ALDH1A1: variants seen among roughly 807,000 people sequenced by gnomAD.
ALDH1A1 encodes the protein aldehyde dehydrogenase 1 family member A1.
Under a neutral mutation model 62.1 loss-of-function variants are expected in ALDH1A1, and 19 were observed. The observed-to-expected ratio is 0.31, with a 90% CI of 0.21 to 0.45. ALDH1A1 has a LOEUF of 0.45. Ranked by LOEUF, ALDH1A1 falls within the 20% of genes least tolerant of loss-of-function variation. The probability of loss-of-function intolerance (pLI) is 1.00; values close to 1 mark genes in which losing one functional copy is unlikely to be tolerated. For synonymous variants in ALDH1A1, 231 were observed against 215.9 expected, an observed-to-expected ratio of 1.07 and a Z score of -0.61; for missense variants, 521 against 607.1, an observed-to-expected ratio of 0.86 and a Z score of 1.49.
At chr9:72,915,486 A>G (rs992983246) in intron 9 of ALDH1A1, among the ~76,000 whole-genome samples, 2 of 152,148 alleles carry the variant, frequency 1.3e-5, no homozygotes, top group Admixed American at 1.3e-4. Context: ...TTCTTTTTTG[A>G]AATGGGAGAC....
At chr9:72,906,120 C>A (rs1829875626) in intron 11 of ALDH1A1, 88 bp from the exon 12 acceptor site, 3 of 880,594 alleles carry the variant, frequency 3.4e-6, no homozygotes, top group Non-Finnish European at 3.5e-6. Flanking sequence ...TGGAAAGCTC[C>A]TTACAAACTC....
intron 2 of ALDH1A1, among the ~76,000 whole-genome samples, chr9:72,932,156 A>G (rs751135553): frequency 6.6e-6 from 1 of 152,196 alleles, no homozygotes. Context: ...TGGCCACTAC[A>G]TGGAATTGTA....
chr9:72,925,348 C>T, intron 6 of ALDH1A1, 136 bp downstream of exon 6: 5 of 995,970 alleles, frequency 5.0e-6, no homozygotes, highest in Non-Finnish European at 7.0e-6. Context: ...AGCCAGCCGT[C>T]ATGCTAAATG....
intron 9 of ALDH1A1, 51 bp from the exon 10 acceptor site, chr9:72,912,173 T>C: frequency 6.6e-7 from 1 of 1,517,618 alleles, no homozygotes; most frequent in Non-Finnish European, 9.0e-7. Flanking sequence ...CTTGTAAAGA[T>C]AACACATTGC....
intron 1 of ALDH1A1, among the ~76,000 whole-genome samples, chr9:72,944,197 T>C (rs1284447154): frequency 6.6e-6 from 1 of 152,072 alleles, no homozygotes; most frequent in African/African-American, 2.4e-5. Context: ...GTATCCCAAG[T>C]AGATTTGAAG....
Position 72,927,924 on chromosome 9 carries a change from T to C in ALDH1A1, c.443-747A>G, listed in dbSNP as rs558729875. On this transcript the variant is annotated intron_variant, in intron 4 of 12. Coordinates refer to ENST00000297785, the MANE Select transcript of ALDH1A1 (RefSeq NM_000689.5). Reference sequence around the variant, plus strand: ...TGTGGTCATCCAGAGAGATACATTATGCTTTACATTCAATTCTGTTCTAGT... The same window carrying C: ...TGTGGTCATCCAGAGAGATACATTACGCTTTACATTCAATTCTGTTCTAGT... 2.0e-5 allele frequency among the ~76,000 whole-genome samples: 3 copies of C among 151,782 alleles called. No individual in the cohort carries two copies. The South Asian group carries it at 6.3e-4, about 32-fold the overall frequency.
chr9:72,906,150 T>C, intron 11 of ALDH1A1, 118 bp from the exon 12 acceptor site: 1 of 630,896 alleles, frequency 1.6e-6, no homozygotes, highest in Admixed American at 3.2e-5. Flanking sequence ...CATTATAACA[T>C]ACTCATCTTG....
In ALDH1A1 at chr9:72,918,816, T is replaced by C; in HGVS notation, c.754A>G (p.Lys252Glu). The change falls in exon 8 of 13, where the codon AAG becomes GAG. Residue 252 changes from lysine to glutamate, a missense_variant. Physicochemically the swap from Lys to Glu is moderately conservative, Grantham distance 56. Coordinates refer to ENST00000297785, the MANE Select transcript of ALDH1A1 (RefSeq NM_000689.5). ...VAFTGSTEVGKLIKEAAGKSN... is the reference protein window; with the variant it reads ...VAFTGSTEVGELIKEAAGKSN... Reference sequence around the variant, plus strand: ...TTCCCGGCAGCTTCTTTGATCAACTTGCCAACCTGAAAGGGAGCATTACAA... The same window carrying C: ...TTCCCGGCAGCTTCTTTGATCAACTCGCCAACCTGAAAGGGAGCATTACAA... 1 of 1,613,764 alleles carries C rather than the reference T, an allele frequency of 6.2e-7. No homozygotes were observed. The highest frequency in any genetic ancestry group is 8.5e-7 in the Non-Finnish European group (1 of 1,179,706).
intron 7 of ALDH1A1, 31 bp downstream of exon 7, chr9:72,923,988 C>A (rs1198935258): frequency 1.4e-6 from 2 of 1,466,822 alleles, no homozygotes; most frequent in South Asian, 1.2e-5. Context: ...TGCAGACATT[C>A]TTAACTTTTG....
intron 2 of ALDH1A1, among the ~76,000 whole-genome samples, chr9:72,939,192 C>T (rs183433419): frequency 1.3e-4 from 20 of 152,240 alleles, no homozygotes; most frequent in Non-Finnish European, 2.6e-4. Context: ...TTCTACTCTG[C>T]CATCTCATCA....
At chr9:72,930,129 C>T (rs2118543700) in intron 3 of ALDH1A1, among the ~76,000 whole-genome samples, 1 of 152,216 alleles carries the variant, frequency 6.6e-6, no homozygotes. Flanking sequence ...TTGCTTGAAA[C>T]CTGATCTTGG....
chr9:72,926,131 G>T (rs1044970079), intron 5 of ALDH1A1, among the ~76,000 whole-genome samples: 3 of 152,128 alleles, frequency 2.0e-5, no homozygotes, highest in Admixed American at 6.5e-5. Flanking sequence ...CACAGGTTAC[G>T]TGCTCTCTGT....
chr9:72,933,602 A>G (rs867462750), intron 2 of ALDH1A1, among the ~76,000 whole-genome samples: 1,538 of 105,032 alleles, frequency 0.015, 29 homozygotes, highest in South Asian at 0.081. Context: ...CAAAAAAAAA[A>G]AAAAAAAAAA....
chr9:72,932,552 A>G (rs985180109), intron 2 of ALDH1A1, among the ~76,000 whole-genome samples: 2 of 152,250 alleles, frequency 1.3e-5, no homozygotes, highest in Non-Finnish European at 2.9e-5. Flanking sequence ...AGTGTAATAC[A>G]TCACACACTG....
At chr9:72,930,497 TC>T (rs1830267491) in intron 3 of ALDH1A1, among the ~76,000 whole-genome samples, 1 of 152,162 alleles carries the variant, frequency 6.6e-6, no homozygotes, top group Admixed American at 6.6e-5. Context: ...CTTGAGTTTT[TC>T]CATCAAAAGA....
chr9:72,909,041 T>C (rs992385321), intron 11 of ALDH1A1, among the ~76,000 whole-genome samples: 2 of 152,090 alleles, frequency 1.3e-5, no homozygotes, highest in African/African-American at 4.8e-5. Flanking sequence ...CAGAAATTAC[T>C]TGGCAATTCT....
Position 72,940,078 on chromosome 9 carries a change from G to A in ALDH1A1, c.171+70C>T, listed in dbSNP as rs1015370098. On this transcript the variant is annotated intron_variant, in intron 2 of 12. Transcript: ENST00000297785. ...CATGTCTTTTGGAGCTTGCAATGGG[G>A]TTCAGGAGCTCAGAATGGCAAAAAA... is the stretch of plus-strand genomic sequence containing the variant. The A allele has an allele frequency of 4.4e-5, 51 of 1,168,934 alleles. 1 individual carries two copies. Among genetic ancestry groups the A allele is most frequent in the Non-Finnish European group, 6.1e-5 (48 of 781,616 alleles). The allele number at this position is 1,168,934 out of a possible 1,614,324, so 72.4% of individuals were successfully genotyped here.
intron 1 of ALDH1A1, among the ~76,000 whole-genome samples, chr9:72,947,367 A>G (rs1036233738): frequency 1.3e-5 from 2 of 151,956 alleles, no homozygotes; most frequent in Admixed American, 1.3e-4. Context: ...TTGAAGTTAT[A>G]AGGCTCACTC....
chr9:72,937,315 A>G (rs1047078827), intron 2 of ALDH1A1, among the ~76,000 whole-genome samples: 2 of 152,046 alleles, frequency 1.3e-5, no homozygotes, highest in Non-Finnish European at 2.9e-5. Context: ...ATATTGTCTC[A>G]GACAAATTAA....
Sources: allele counts gnomAD v4.1 joint callset (sites outside exome capture counted in the v4.1 genomes callset), GRCh38; gene constraint gnomAD v4.1.1; transcripts MANE v1.5; gene names NCBI Gene and HGNC (gene_info 2026-07-23, HGNC 2026-07-21).